Variants in BTBD17 observed in about 807,000 individuals in gnomAD.
The protein encoded by BTBD17 is BTB domain containing 17.
In BTBD17, 26 loss-of-function variants were observed where a neutral mutation model predicts 36.9. That is an observed-to-expected ratio of 0.70 (90% CI 0.52 to 0.98). The LOEUF (loss-of-function observed/expected upper bound fraction) is 0.98, where lower values mean the gene tolerates loss of function less well. Among genes scored for constraint, BTBD17 ranks in the 50% least tolerant of loss-of-function variants. The probability of loss-of-function intolerance (pLI) is 0.00; values close to 1 mark genes in which losing one functional copy is unlikely to be tolerated. For missense variants in BTBD17, 630 were observed against 691.3 expected (o/e 0.91, Z 0.99); for synonymous variants, 341 against 338.0 (o/e 1.01, Z -0.10).
chr17:74,363,194 G>C (rs1330737310), upstream of BTBD17, among the ~76,000 whole-genome samples: 1 of 152,250 alleles, frequency 6.6e-6, no homozygotes, highest in Non-Finnish European at 1.5e-5. Flanking sequence ...TCGATGCATT[G>C]ATTTCTGCCT....
In BTBD17 at chr17:74,357,346, G is replaced by T. The variant is rs1229951930; in HGVS notation, c.748C>A (p.Arg250=). The change falls in exon 3 of 3, where the codon CGG becomes AGG. Residue 250 remains arginine (R), a synonymous_variant. Coordinates refer to ENST00000375366, the MANE Select transcript of BTBD17 (RefSeq NM_001080466.2). The surrounding 1 kb of genome is among the most constrained non-coding windows in gnomAD (Gnocchi z 8.4). ...RARPPPAVAE[R]ALRAIRYPMI... is the part of the protein sequence containing the mutation. ...GGGTAGCGTATGGCGCGCAGCGCCC[G>T]CTCGGCCACGGCAGGGGGCGGCCGC... 1 of 1,550,788 alleles carries T rather than the reference G, an allele frequency of 6.4e-7. No individual in the cohort carries two copies. Among genetic ancestry groups the T allele is most frequent in the East Asian group, 2.4e-5 (1 of 41,224 alleles).
At chr17:74,363,134 G>A (rs937459519), upstream of BTBD17, among the ~76,000 whole-genome samples, 1 of 152,098 alleles carries the variant, frequency 6.6e-6, no homozygotes, top group Non-Finnish European at 1.5e-5. Context: ...TCTAGGTTGG[G>A]GATGAATTAA....
Position 74,357,657 on chromosome 17 carries a change from C to G in BTBD17, c.437G>C (p.Gly146Ala), listed in dbSNP as rs1184387668. ...IPLHRLATKY[G>A]VSSLQRGVAD... ...CACGCCGCGCTGCAGGGAGGACACG[C>G]CGTACTTGGTGGCCAGTCTGTGCAG... Residue 146 changes from glycine (G) to alanine (A), a missense_variant, in exon 3 of 3, where the codon GGC becomes GCC. By Grantham distance (60) the Gly-to-Ala change is moderately conservative. Coordinates refer to ENST00000375366, the MANE Select transcript of BTBD17 (RefSeq NM_001080466.2). This position sits in a 1 kb window ranked among gnomAD's most constrained non-coding sequence, Gnocchi z 8.4. 1 of 1,550,342 alleles carries G rather than the reference C, an allele frequency of 6.5e-7. No homozygotes were observed. Among genetic ancestry groups the G allele is most frequent in the East Asian group, 2.4e-5 (1 of 41,274 alleles).
At position 74,357,810 on chromosome 17, in the gene BTBD17, G is replaced by T. The variant is rs1193614145; in HGVS notation, c.363-79C>A. ...GATAGATTTTTTAGAGTCCACAGGGGACCCGGCCTGGAGTTGGAGCTTCAC... is the reference window on the plus strand; with the variant it reads ...GATAGATTTTTTAGAGTCCACAGGGTACCCGGCCTGGAGTTGGAGCTTCAC... On this transcript the variant is annotated intron_variant, in intron 2 of 2. Transcript: ENST00000375366. This position sits in a 1 kb window ranked among gnomAD's most constrained non-coding sequence, Gnocchi z 8.4. 19 of 1,173,626 alleles carry T rather than the reference G, an allele frequency of 1.6e-5. No individual in the cohort carries two copies. Among genetic ancestry groups the T allele is most frequent in the Non-Finnish European group, 1.9e-5 (16 of 856,974 alleles). The allele number at this position is 1,173,626 out of a possible 1,614,324, so 72.7% of individuals were successfully genotyped here. A position where few individuals can be genotyped will look rare whatever the true frequency, so the allele number is the denominator to read the frequency against.
In BTBD17 at chr17:74,357,854, G is replaced by A. The variant is rs756380073; in HGVS notation, c.363-123C>T. On this transcript the variant is annotated intron_variant, in intron 2 of 2. Transcript: ENST00000375366. This position sits in a 1 kb window ranked among gnomAD's most constrained non-coding sequence, Gnocchi z 8.4. ...GCTTCACTGTCCGGGTGCAAACACA[G>A]TGGAAGCCCCACCCTGAGGCTTCCC... 43 of 705,782 alleles carry A rather than the reference G, an allele frequency of 6.1e-5. No homozygotes were observed. Among genetic ancestry groups the A allele is most frequent in the Non-Finnish European group, 9.4e-5 (42 of 445,782 alleles). 43.7% of individuals were successfully genotyped at this position (705,782 alleles called of 1,614,324 possible).
Position 74,361,855 on chromosome 17 carries a change from G to A in BTBD17, c.-36C>T. ...AGCCCCCAAGTCCACTGGAGGGACG[G>A]TGAAGCCCAGACCACTCTGCTCACA... is the stretch of plus-strand genomic sequence containing the variant. On this transcript the variant is annotated 5_prime_UTR_variant, in exon 1 of 3. Transcript: ENST00000375366. 6.4e-7 allele frequency: 1 copy of A among 1,558,936 alleles called. No homozygotes were observed. Among genetic ancestry groups the A allele is most frequent in the Non-Finnish European group, 8.8e-7 (1 of 1,131,552 alleles).
intron 1 of BTBD17, 91 bp from the exon 2 acceptor site, chr17:74,360,336 G>T: frequency 7.3e-7 from 1 of 1,376,758 alleles, no homozygotes; most frequent in Non-Finnish European, 9.9e-7. Flanking sequence ...GGAGACATAT[G>T]CATGGGTGTG....
rs1444318905 is a variant in BTBD17, at chr17:74,357,026, C to T, written c.1068G>A (p.Trp356Ter). 1.3e-6 allele frequency: 2 copies of T among 1,526,638 alleles called. No homozygotes were observed. The allele number at this position is 1,526,638 out of a possible 1,614,324, so 94.6% of individuals were successfully genotyped here. Residue 356 changes from tryptophan to a stop codon, truncating the protein, a stop_gained, in exon 3 of 3, where the codon TGG becomes TGA. Coordinates refer to ENST00000375366, the MANE Select transcript of BTBD17 (RefSeq NM_001080466.2). LOFTEE classifies it high-confidence loss of function. This position sits in a 1 kb window ranked among gnomAD's most constrained non-coding sequence, Gnocchi z 8.4. ...SGHDAGRRVT[W>*]NVLFSPRWLP... is the part of the protein sequence containing the mutation. Reference sequence around the variant, plus strand: ...GCCAGCGCGGCGAGAAGAGCACGTTCCAGGTGACCCGGCGGCCCGCGTCGT... The same window carrying T: ...GCCAGCGCGGCGAGAAGAGCACGTTTCAGGTGACCCGGCGGCCCGCGTCGT...
Position 74,357,631 on chromosome 17 carries a change from C to A in BTBD17, c.463G>T (p.Ala155Ser). ...YGVSSLQRGV[A>S]DYMRAHLAGG... ...GCCAGGTGCGCGCGCATGTAGTCGG[C>A]CACGCCGCGCTGCAGGGAGGACACG... The change falls in exon 3 of 3, where the codon GCC (alanine) becomes TCC (serine). Residue 155 changes from alanine (A) to serine (S), a missense_variant. By Grantham distance (99) the Ala-to-Ser change is moderately conservative. Transcript: ENST00000375366. The surrounding 1 kb of genome is among the most constrained non-coding windows in gnomAD (Gnocchi z 8.4). The A allele has an allele frequency of 6.5e-7, 1 of 1,549,268 alleles. No homozygotes were observed. The highest frequency in any genetic ancestry group is 8.7e-7 in the Non-Finnish European group (1 of 1,149,554).
chr17:74,359,561 A>C (rs113764608), intron 2 of BTBD17, among the ~76,000 whole-genome samples: 8,037 of 152,086 alleles, frequency 0.053, 696 homozygotes, highest in African/African-American at 0.18. Context: ...CTAATTTTCT[A>C]TATTTTTAGT....
chr17:74,360,283 G>A, intron 1 of BTBD17, 38 bp from the exon 2 acceptor site: 1 of 1,560,836 alleles, frequency 6.4e-7, no homozygotes, highest in Non-Finnish European at 8.7e-7. Flanking sequence ...CTGAGAAGGT[G>A]CCCGGGCCCA....
Position 74,357,828 on chromosome 17 carries a change from A to C in BTBD17, c.363-97T>G. 1.0e-6 allele frequency: 1 copy of C among 954,162 alleles called. No individual in the cohort carries two copies. The highest frequency in any genetic ancestry group is 1.5e-6 in the Non-Finnish European group (1 of 663,234). The allele number at this position is 954,162 out of a possible 1,614,324, so 59.1% of individuals were successfully genotyped here. Reference sequence around the variant, plus strand: ...CACAGGGGACCCGGCCTGGAGTTGGAGCTTCACTGTCCGGGTGCAAACACA... The same window carrying C: ...CACAGGGGACCCGGCCTGGAGTTGGCGCTTCACTGTCCGGGTGCAAACACA... On this transcript the variant is annotated intron_variant, in intron 2 of 2. Transcript: ENST00000375366. This position sits in a 1 kb window ranked among gnomAD's most constrained non-coding sequence, Gnocchi z 8.4.
chr17:74,359,259 T>C (rs546418961), intron 2 of BTBD17, among the ~76,000 whole-genome samples: 17 of 152,260 alleles, frequency 1.1e-4, no homozygotes, highest in Middle Eastern at 3.4e-3. Flanking sequence ...AAATAAAAAG[T>C]AAATAAATAA....
chr17:74,361,713 A>G (rs747941641), intron 1 of BTBD17, 22 bp downstream of exon 1: 1 of 1,604,324 alleles, frequency 6.2e-7, no homozygotes, highest in Non-Finnish European at 8.5e-7. Flanking sequence ...CCTGCCCCGC[A>G]CCTGGCCCAC....
chr17:74,361,427 G>A (rs559045654), intron 1 of BTBD17, among the ~76,000 whole-genome samples: 7 of 152,298 alleles, frequency 4.6e-5, no homozygotes, highest in Admixed American at 1.3e-4. Flanking sequence ...AAAGAGAAGC[G>A]GGTAGTATGT....
rs1384490978 is a variant in BTBD17 at position 74,357,467 on chromosome 17, G to A, written c.627C>T (p.Ser209=). The A allele has an allele frequency of 1.8e-5, 29 of 1,576,276 alleles. No homozygotes were observed. Among genetic ancestry groups the A allele is most frequent in the Non-Finnish European group, 2.3e-5 (27 of 1,170,052 alleles). ...GCAGGAGCTGCCAGAGCAGCTCGGG[G>A]CTCACGGCGCCCCACTCGGTGCTGG... is the stretch of plus-strand genomic sequence containing the variant. ...VAASTEWGAV[S]PELLWQLLQR... Residue 209 remains serine, a synonymous_variant, in exon 3 of 3, where the codon AGC becomes AGT. Coordinates refer to ENST00000375366, the MANE Select transcript of BTBD17 (RefSeq NM_001080466.2). This position sits in a 1 kb window ranked among gnomAD's most constrained non-coding sequence, Gnocchi z 8.4.
intron 1 of BTBD17, among the ~76,000 whole-genome samples, chr17:74,361,070 G>A (rs1371917610): frequency 6.6e-6 from 1 of 152,206 alleles, no homozygotes; most frequent in Non-Finnish European, 1.5e-5. Flanking sequence ...GGCCAGCAGG[G>A]GACAGGAGAA....
upstream of BTBD17, among the ~76,000 whole-genome samples, chr17:74,362,963 C>T (rs896047330): frequency 9.1e-4 from 44 of 48,180 alleles, no homozygotes; most frequent in Non-Finnish European, 2.2e-3. Context: ...AAAGCGCGCG[C>T]GCATGTGTGT....
At position 74,360,956 on chromosome 17, in the gene BTBD17, C is replaced by A. The variant is rs79503998; in HGVS notation, c.86-711G>T. On this transcript the variant is annotated intron_variant, in intron 1 of 2. Coordinates refer to ENST00000375366, the MANE Select transcript of BTBD17 (RefSeq NM_001080466.2). ...CCACAGCAGTAGCAGGAGAGAGGGG[C>A]GGGTGTGAGACGAGGCTGCGGGTGT... Among the ~76,000 whole-genome samples the A allele has an allele frequency of 2.5e-3, 383 of 152,166 alleles. 5 individuals are homozygous for A. The highest frequency in any genetic ancestry group is 8.8e-3 in the African/African-American group (366 of 41,540).
Sources: gnomAD v4.1 joint callset for allele counts (sites outside exome capture counted in the v4.1 genomes callset) on GRCh38, gnomAD v4.1.1 for gene constraint, Gnocchi (gnomAD v3.1) non-coding constraint, MANE v1.5 for transcripts, NCBI Gene and HGNC (gene_info 2026-07-23, HGNC 2026-07-21) for gene names.